Variants in SPTBN5 observed in about 807,000 individuals in gnomAD.
SPTBN5 encodes spectrin beta chain, non-erythrocytic 5.
In SPTBN5, 513 loss-of-function variants were observed where a neutral mutation model predicts 477.6. The observed-to-expected ratio is 1.07, with a 90% CI of 1.00 to 1.16. The LOEUF is 1.16. SPTBN5 is among the 50% of genes most tolerant of loss of function. The probability of loss-of-function intolerance (pLI) is 0.00; values close to 1 mark genes in which losing one functional copy is unlikely to be tolerated. For synonymous variants in SPTBN5, 2,169 were observed against 2,011.7 expected (o/e 1.08, Z -2.09); for missense variants, 5,062 against 4,731.8 (o/e 1.07, Z -2.05).
rs765323285 is a variant in SPTBN5 at position 41,874,963 on chromosome 15, G to A, written c.4381C>T (p.His1461Tyr). ...LRSSQRLQKR[H>Y]QQLESESRTL... ...CGGCTCTCACTCTCCAGCTGTTGGTGCCGTTTCTGCAGCCTCTGGCTGGAG... is the reference window on the plus strand; with the variant it reads ...CGGCTCTCACTCTCCAGCTGTTGGTACCGTTTCTGCAGCCTCTGGCTGGAG... Residue 1461 changes from histidine to tyrosine, a missense_variant, in exon 23 of 68, where the codon CAC becomes TAC. Physicochemically the swap from His to Tyr is moderately conservative, Grantham distance 83 (BLOSUM62 2). Coordinates refer to ENST00000320955, the MANE Select transcript of SPTBN5 (RefSeq NM_016642.4). 27 of 1,613,600 alleles carry A rather than the reference G, an allele frequency of 1.7e-5. No individual in the cohort carries two copies. The highest frequency in any genetic ancestry group is 2.2e-5 in the Non-Finnish European group (26 of 1,179,896).
chr15:41,862,990 T>C (rs2066170271), intron 41 of SPTBN5, 87 bp from the exon 42 acceptor site: 5 of 1,223,794 alleles, frequency 4.1e-6, no homozygotes, highest in African/African-American at 1.5e-5. Context: ...GGCTTCTGTG[T>C]GCACAGCAAG....
intron 42 of SPTBN5, 27 bp downstream of exon 42, chr15:41,862,763 G>C (rs1229405199): frequency 1.3e-6 from 2 of 1,551,200 alleles, no homozygotes; most frequent in Non-Finnish European, 1.7e-6. Flanking sequence ...AGATGCCCTG[G>C]GCCCAGCTCT....
At chr15:41,867,977 CAG>C in intron 34 of SPTBN5, 90 bp downstream of exon 34, 1 of 1,444,608 alleles carries the variant, frequency 6.9e-7, no homozygotes, top group South Asian at 1.4e-5. Flanking sequence ...GAGAAAAAGC[CAG>C]AGAGGCAGGA....
chr15:41,852,193 T>C lies in SPTBN5; in HGVS notation c.10573A>G (p.Arg3525Gly). 6.3e-7 allele frequency: 1 copy of C among 1,595,262 alleles called. No individual in the cohort carries two copies. Among genetic ancestry groups the C allele is most frequent in the Non-Finnish European group, 8.6e-7 (1 of 1,167,556 alleles). ...ATAGGGACACCTGCCTGGGGGTCCC[T>C]CGTCTCAGCCAGCTGTGCTCCTAGC... Reference protein sequence around the residue: ...QGLGAQLAETRDPQDAKGTPT... With the variant: ...QGLGAQLAETGDPQDAKGTPT... Residue 3525 changes from arginine to glycine, a missense_variant, in exon 62 of 68, where the codon AGG (arginine) becomes GGG (glycine). Coordinates refer to ENST00000320955, the MANE Select transcript of SPTBN5 (RefSeq NM_016642.4).
chr15:41,849,748 A>C (rs1266181942), intron 67 of SPTBN5, 121 bp downstream of exon 67: 17 of 757,094 alleles, frequency 2.2e-5, no homozygotes, highest in Non-Finnish European at 3.7e-5. Flanking sequence ...TTCCAATAGC[A>C]TTTCCCTACA....
chr15:41,858,770 G>T (rs376443770), intron 48 of SPTBN5, 22 bp from the exon 49 acceptor site: 248 of 1,604,606 alleles, frequency 1.5e-4, no homozygotes, highest in Non-Finnish European at 2.6e-5. Flanking sequence ...GGGAGGACAG[G>T]CCTGCTGTCC....
intron 63 of SPTBN5, 42 bp from the exon 64 acceptor site, chr15:41,851,411 G>A: frequency 6.9e-7 from 1 of 1,450,184 alleles, no homozygotes; most frequent in East Asian, 2.5e-5. Context: ...CCACACGCAG[G>A]AAGCCAGAGC....
At chr15:41,870,143 T>G in intron 31 of SPTBN5, 100 bp downstream of exon 31, 3 of 1,457,516 alleles carry the variant, frequency 2.1e-6, no homozygotes, top group Non-Finnish European at 2.7e-6. Context: ...AGGAGGCCCA[T>G]GGGAGGCCCT....
Position 41,887,266 on chromosome 15 carries a change from G to C in SPTBN5, c.835C>G (p.His279Asp). 6.4e-7 allele frequency: 1 copy of C among 1,551,400 alleles called. No individual in the cohort carries two copies. Among genetic ancestry groups the C allele is most frequent in the Non-Finnish European group, 8.7e-7 (1 of 1,147,008 alleles). The change falls in exon 6 of 68, where the codon CAC (histidine) becomes GAC (aspartate). Residue 279 changes from histidine to aspartate, a missense_variant. Coordinates refer to ENST00000320955, the MANE Select transcript of SPTBN5 (RefSeq NM_016642.4). ...SIMTYVSLYY[H>D]YCSRLHQGQT... ...CCCTGATGCAGGCGGGAGCAGTAGTGGTAGTAGAGGGAGACGTAGGTCATG... is the reference window on the plus strand; with the variant it reads ...CCCTGATGCAGGCGGGAGCAGTAGTCGTAGTAGAGGGAGACGTAGGTCATG...
chr15:41,863,625 A>G, intron 41 of SPTBN5, 79 bp downstream of exon 41: 2 of 1,147,778 alleles, frequency 1.7e-6, no homozygotes, highest in South Asian at 1.3e-5. Context: ...GGGGAGACGC[A>G]TGGGAGACTC....
intron 17 of SPTBN5, 146 bp from the exon 18 acceptor site, chr15:41,877,502 G>T: frequency 8.1e-7 from 1 of 1,239,156 alleles, no homozygotes; most frequent in Non-Finnish European, 1.1e-6. Context: ...GGGTGCAGGG[G>T]TTCCCAATCC....
In SPTBN5 at chr15:41,857,046, CG is replaced by C; in HGVS notation, c.8622-8del. Reference sequence around the variant, plus strand: ...CTCCCTCAGGCTCTTGAACCTGCAGCGGTGGAGGGTGGGACCAAGGGAGGCA... The same window carrying C: ...CTCCCTCAGGCTCTTGAACCTGCAGCGTGGAGGGTGGGACCAAGGGAGGCA... On this transcript the variant is annotated splice_polypyrimidine_tract_variant and splice_region_variant and intron_variant, in intron 51 of 67. Transcript: ENST00000320955. 6.3e-7 allele frequency: 1 copy of C among 1,597,614 alleles called. No homozygotes were observed. Among genetic ancestry groups the C allele is most frequent in the Non-Finnish European group, 8.5e-7 (1 of 1,172,738 alleles).
At position 41,876,155 on chromosome 15, in the gene SPTBN5, C is replaced by T. The variant is rs760795482; in HGVS notation, c.4081G>A (p.Glu1361Lys). The change falls in exon 21 of 68, where the codon GAG becomes AAG. Residue 1361 changes from glutamate to lysine, a missense_variant. By Grantham distance (56) the Glu-to-Lys change is moderately conservative. Transcript: ENST00000320955. ...TLKRHEAAES[E>K]LLATRRHVEA... Reference sequence around the variant, plus strand: ...ACGTGTCTGCGGGTGGCGAGTAGCTCGCTCTCAGCTGCTTCGTGCCGCTTG... The same window carrying T: ...ACGTGTCTGCGGGTGGCGAGTAGCTTGCTCTCAGCTGCTTCGTGCCGCTTG... The T allele has an allele frequency of 3.1e-5, 50 of 1,604,454 alleles. No homozygotes were observed. Among genetic ancestry groups the T allele is most frequent in the Non-Finnish European group, 3.5e-5 (41 of 1,179,508 alleles).
Position 41,876,157 on chromosome 15 carries a change from C to G in SPTBN5, c.4079G>C (p.Ser1360Thr). Reference sequence around the variant, plus strand: ...GTGTCTGCGGGTGGCGAGTAGCTCGCTCTCAGCTGCTTCGTGCCGCTTGAG... The same window carrying G: ...GTGTCTGCGGGTGGCGAGTAGCTCGGTCTCAGCTGCTTCGTGCCGCTTGAG... ...QTLKRHEAAE[S>T]ELLATRRHVE... Residue 1360 changes from serine to threonine, a missense_variant, in exon 21 of 68, where the codon AGC becomes ACC. Physicochemically the swap from Ser to Thr is moderately conservative, Grantham distance 58. Transcript: ENST00000320955. 2 of 1,604,832 alleles carry G rather than the reference C, an allele frequency of 1.2e-6. No individual in the cohort carries two copies. The highest frequency in any genetic ancestry group is 1.7e-6 in the Non-Finnish European group (2 of 1,179,568).
In SPTBN5 at chr15:41,851,130, G is replaced by A. The variant is rs577090459; in HGVS notation, c.10764C>T (p.Leu3588=). The part of the protein sequence containing the change: ...MAAEKVASIA[L]LDLTGARCER... ...CACACCGGGCTCCCGTGAGGTCAAG[G>A]AGGGCTATGGAAGCTACTTTCTGAG... Residue 3588 remains leucine (L), a synonymous_variant, in exon 65 of 68, where the codon CTC becomes CTT. Coordinates refer to ENST00000320955, the MANE Select transcript of SPTBN5 (RefSeq NM_016642.4). 8.1e-6 allele frequency: 13 copies of A among 1,613,256 alleles called. No individual in the cohort carries two copies. The East Asian group carries it at 2.9e-4, about 36-fold the overall frequency.
chr15:41,879,432 T>C lies in SPTBN5; in HGVS notation c.3010A>G (p.Ser1004Gly). 1.2e-6 allele frequency: 2 copies of C among 1,609,218 alleles called. No individual in the cohort carries two copies. Among genetic ancestry groups the C allele is most frequent in the East Asian group, 4.5e-5 (2 of 44,828 alleles). Residue 1004 changes from serine to glycine, a missense_variant, in exon 16 of 68, where the codon AGT (serine) becomes GGT (glycine). By Grantham distance (56) the Ser-to-Gly change is moderately conservative. Transcript: ENST00000320955. ...GTGGGTCCACACTCCTGCAGAAAAC[T>C]GCACACTTCCACACTGTGTGCCAGC... ...VQLAHSVEVC[S>G]FLQECGPTQV...
chr15:41,861,963 C>T, intron 44 of SPTBN5, 40 bp from the exon 45 acceptor site: 1 of 1,572,892 alleles, frequency 6.4e-7, no homozygotes, highest in Admixed American at 1.9e-5. Context: ...GGGCTGGAAG[C>T]AGCCCAGCAG....
At position 41,854,142 on chromosome 15, in the gene SPTBN5, T is replaced by G. The variant is rs1414581491; in HGVS notation, c.9682A>C (p.Met3228Leu). Reference sequence around the variant, plus strand: ...TTCATCAGGGCCGTCTTCTCCTGCATCCTTCCCTGGAGCTCAGCTGCTGCC... The same window carrying G: ...TTCATCAGGGCCGTCTTCTCCTGCAGCCTTCCCTGGAGCTCAGCTGCTGCC... ...QQAAAELQGR[M>L]QEKTALMKGE... Residue 3228 changes from methionine (M) to leucine (L), a missense_variant, in exon 57 of 68, where the codon ATG becomes CTG. By Grantham distance (15) the Met-to-Leu change is conservative. Coordinates refer to ENST00000320955, the MANE Select transcript of SPTBN5 (RefSeq NM_016642.4). 2.5e-6 allele frequency: 4 copies of G among 1,595,800 alleles called. No individual in the cohort carries two copies. In the South Asian group the frequency reaches 4.6e-5, roughly 18 times the overall value.
At position 41,861,748 on chromosome 15, in the gene SPTBN5, G is replaced by T. The variant is rs1037968520; in HGVS notation, c.7724C>A (p.Ala2575Asp). The T allele has an allele frequency of 5.2e-6, 8 of 1,546,694 alleles. No individual in the cohort carries two copies. Among genetic ancestry groups the T allele is most frequent in the Non-Finnish European group, 5.2e-6 (6 of 1,149,978 alleles). Residue 2575 changes from alanine (A) to aspartate (D), a missense_variant, in exon 45 of 68, where the codon GCC (alanine) becomes GAC (aspartate). Ala to Asp is a moderately radical substitution (Grantham distance 126). Coordinates refer to ENST00000320955, the MANE Select transcript of SPTBN5 (RefSeq NM_016642.4). ...GACTGTGCCTGCCTGTAGCTCCAGG[G>T]CCTGCTGCAGCTGTAGCTGATGCTC... ...WQEHQLQLQQ[A>D]LELQLFLSSV...
Sources: allele counts gnomAD v4.1 joint callset, GRCh38; gene constraint gnomAD v4.1.1; transcripts MANE v1.5; gene names NCBI Gene and HGNC (gene_info 2026-07-23, HGNC 2026-07-21).